Variants in PIK3C2G observed in about 807,000 individuals in gnomAD.
PIK3C2G encodes phosphatidylinositol 3-kinase C2 domain-containing subunit gamma.
PIK3C2G carries 168 observed loss-of-function variants against 181.1 expected under a neutral mutation model. The ratio of observed to expected loss-of-function variants is 0.93; its 90% CI spans 0.82 to 1.05. The LOEUF is 1.05. PIK3C2G is among the 50% of genes least tolerant of loss of function. The probability of loss-of-function intolerance (pLI) is 0.00; values close to 1 mark genes in which losing one functional copy is unlikely to be tolerated. For missense variants in PIK3C2G, 1,869 were observed against 1,732.8 expected (o/e 1.08, Z -1.40); for synonymous variants, 573 against 592.2 (o/e 0.97, Z 0.47).
At chr12:18,652,484 C>T (rs1252204263), downstream of PIK3C2G, among the ~76,000 whole-genome samples, 11 of 152,160 alleles carry the variant, frequency 7.2e-5, no homozygotes, top group African/African-American at 2.7e-4. Flanking sequence ...CTTGGACTTA[C>T]AGCCTCCAAA....
At position 18,271,110 on chromosome 12, in the gene PIK3C2G, A is replaced by G. The variant is rs550591486; in HGVS notation, c.-79+9533A>G. ...CCCCTCATACCAAGGAATAGGAGACAGGCCCACCACATTCTTCTATATGGC... is the reference window on the plus strand; with the variant it reads ...CCCCTCATACCAAGGAATAGGAGACGGGCCCACCACATTCTTCTATATGGC... On this transcript the variant is annotated intron_variant, in intron 1 of 32. Coordinates refer to ENST00000538779, the MANE Select transcript of PIK3C2G (RefSeq NM_001288772.2). Among the ~76,000 whole-genome samples the G allele has an allele frequency of 6.6e-5, 10 of 152,264 alleles. No individual in the cohort carries two copies. The South Asian group carries it at 2.1e-3, about 32-fold the overall frequency.
At chr12:18,384,651 G>A (rs970645593) in intron 14 of PIK3C2G, among the ~76,000 whole-genome samples, 1 of 152,064 alleles carries the variant, frequency 6.6e-6, no homozygotes, top group Non-Finnish European at 1.5e-5. Context: ...TCTCAGATGA[G>A]GTAAATAGTT....
chr12:18,304,537 G>A (rs567535825), intron 5 of PIK3C2G, among the ~76,000 whole-genome samples: 3 of 152,254 alleles, frequency 2.0e-5, no homozygotes, highest in Admixed American at 6.5e-5. Context: ...GATTACAGGC[G>A]TGAGCTACCT....
intron 31 of PIK3C2G, among the ~76,000 whole-genome samples, chr12:18,634,843 T>A (rs912775645): frequency 6.6e-6 from 1 of 152,222 alleles, no homozygotes; most frequent in Non-Finnish European, 1.5e-5. Context: ...TCAGTGAGCA[T>A]TCACATGGGA....
intron 30 of PIK3C2G, among the ~76,000 whole-genome samples, chr12:18,600,993 G>T (rs556663015): frequency 6.6e-6 from 1 of 152,004 alleles, no homozygotes; most frequent in Non-Finnish European, 1.5e-5. Flanking sequence ...TAGTTTCAAG[G>T]ATTACAAGGG....
At chr12:18,678,906 A>C in the PIK3C2G span, among the ~76,000 whole-genome samples, 1 of 152,068 alleles carries the variant, frequency 6.6e-6, no homozygotes, top group Non-Finnish European at 1.5e-5. Flanking sequence ...TGACTTTGTA[A>C]GAAATGGTCA....
intron 22 of PIK3C2G, among the ~76,000 whole-genome samples, chr12:18,499,561 T>C (rs1397882578): frequency 6.6e-6 from 1 of 152,170 alleles, no homozygotes; most frequent in East Asian, 1.9e-4. Context: ...CAAATAAAAA[T>C]TCTTCAGGAT....
chr12:18,680,535 A>G, the PIK3C2G span, among the ~76,000 whole-genome samples: 4 of 152,172 alleles, frequency 2.6e-5, no homozygotes, highest in East Asian at 7.7e-4. Context: ...GTCTGGGTAG[A>G]GAGACTGTAC....
chr12:18,371,113 A>G (rs1440425978), intron 12 of PIK3C2G, 67 bp from the exon 13 acceptor site: 15 of 1,312,426 alleles, frequency 1.1e-5, no homozygotes, highest in African/African-American at 3.0e-5. Flanking sequence ...AGTACATTAT[A>G]AGAACATTTT....
intron 8 of PIK3C2G, among the ~76,000 whole-genome samples, chr12:18,330,614 C>T (rs1937833176): frequency 6.6e-6 from 1 of 152,084 alleles, no homozygotes; most frequent in Non-Finnish European, 1.5e-5. Context: ...CTGTTCAAAT[C>T]TTTTGCCTAT....
In PIK3C2G at chr12:18,538,211, G is replaced by A. The variant is rs1943961131; in HGVS notation, c.3379G>A (p.Gly1127Arg). Residue 1127 changes from glycine to arginine, a missense_variant, in exon 25 of 33, where the codon GGG becomes AGG. Gly to Arg is a moderately radical substitution (Grantham distance 125, BLOSUM62 -2). Coordinates refer to ENST00000538779, the MANE Select transcript of PIK3C2G (RefSeq NM_001288772.2). ...SEMEYFITEGGKNPQHFQDFV... is the reference protein window; with the variant it reads ...SEMEYFITEGRKNPQHFQDFV... Reference sequence around the variant, plus strand: ...GATGGAATACTTTATTACAGAGGGTGGGAAAAACCCACAGCATTTTCAAGA... The same window carrying A: ...GATGGAATACTTTATTACAGAGGGTAGGAAAAACCCACAGCATTTTCAAGA... The A allele has an allele frequency of 1.2e-6, 2 of 1,612,178 alleles. No homozygotes were observed. The highest frequency in any genetic ancestry group is 1.7e-5 in the Admixed American group (1 of 59,780).
intron 24 of PIK3C2G, among the ~76,000 whole-genome samples, chr12:18,517,266 C>T (rs1942612906): frequency 1.3e-5 from 2 of 152,100 alleles, no homozygotes; most frequent in Admixed American, 1.3e-4. Context: ...TAACTTGCTG[C>T]CCTGCCATTG....
At chr12:18,343,895 A>G (rs954328170) in intron 10 of PIK3C2G, among the ~76,000 whole-genome samples, 4 of 151,864 alleles carry the variant, frequency 2.6e-5, no homozygotes, top group Non-Finnish European at 5.9e-5. Flanking sequence ...CTTTGCCTCT[A>G]TAGAAAACAG....
intron 31 of PIK3C2G, among the ~76,000 whole-genome samples, chr12:18,628,028 A>T (rs1949180432): frequency 1.3e-5 from 2 of 152,184 alleles, no homozygotes; most frequent in South Asian, 4.1e-4. Flanking sequence ...CTGTATCTTC[A>T]TCACATTCCT....
intron 22 of PIK3C2G, 83 bp downstream of exon 22, chr12:18,497,831 CT>C (rs1941140936): frequency 9.3e-7 from 1 of 1,070,310 alleles, no homozygotes; most frequent in African/African-American, 1.6e-5. Flanking sequence ...CTTTCTCCAG[CT>C]TTCGTTTTAA....
At chr12:18,299,553 T>C (rs937041391) in intron 5 of PIK3C2G, among the ~76,000 whole-genome samples, 1 of 151,846 alleles carries the variant, frequency 6.6e-6, no homozygotes, top group Admixed American at 6.6e-5. Context: ...TGCCCAATTG[T>C]TGTGTGTAGG....
At chr12:18,470,709 C>G (rs954420610) in intron 18 of PIK3C2G, among the ~76,000 whole-genome samples, 2 of 152,094 alleles carry the variant, frequency 1.3e-5, no homozygotes, top group Admixed American at 1.3e-4. Context: ...GTAAGCCACA[C>G]GGTTCATTCC....
At chr12:18,708,154 C>G in the PIK3C2G span, among the ~76,000 whole-genome samples, 1 of 152,156 alleles carries the variant, frequency 6.6e-6, no homozygotes, top group African/African-American at 2.4e-5. Flanking sequence ...CTCTGACCTA[C>G]CTTTCTCCAT....
chr12:18,577,194 G>A (rs1226733793), intron 29 of PIK3C2G, among the ~76,000 whole-genome samples: 1 of 152,206 alleles, frequency 6.6e-6, no homozygotes, highest in African/African-American at 2.4e-5. Flanking sequence ...CATGAGAGCA[G>A]AAGGCAAAGA....
Sources: allele counts gnomAD v4.1 joint callset (sites outside exome capture counted in the v4.1 genomes callset), GRCh38; gene constraint gnomAD v4.1.1; transcripts MANE v1.5; gene names NCBI Gene and HGNC (gene_info 2026-07-23, HGNC 2026-07-21).